Variants in CADM2 observed in about 807,000 individuals in gnomAD.
The protein encoded by CADM2 is cell adhesion molecule 2.
A neutral mutation model predicts 49.8 loss-of-function variants in CADM2; 12 were observed. The ratio of observed to expected loss-of-function variants is 0.24; its 90% confidence interval spans 0.15 to 0.39. CADM2 has a LOEUF of 0.39. Among genes scored for constraint, CADM2 ranks in the 10% least tolerant of loss-of-function variants. CADM2 has a pLI of 1.00. For missense variants in CADM2, 378 were observed against 492.3 expected (o/e 0.77, Z 2.20); for synonymous variants, 214 against 175.4 (o/e 1.22, Z -1.74).
At chr3:85,847,881 T>C (rs2074945965) in intron 3 of CADM2, among the ~76,000 whole-genome samples, 2 of 152,304 alleles carry the variant, frequency 1.3e-5, no homozygotes, top group Non-Finnish European at 2.9e-5. Context: ...CTGCCGTCCT[T>C]GGCTGAACCA....
chr3:85,118,580 C>T (rs544838317), intron 1 of CADM2, among the ~76,000 whole-genome samples: 57 of 152,232 alleles, frequency 3.7e-4, no homozygotes, highest in African/African-American at 1.3e-3. Context: ...ATGGGAAAGA[C>T]CCATCCTCAT....
At chr3:85,539,836 C>T (rs973461328) in intron 1 of CADM2, among the ~76,000 whole-genome samples, 12 of 151,972 alleles carry the variant, frequency 7.9e-5, no homozygotes, top group South Asian at 2.1e-4. Flanking sequence ...ACAGTGGTGT[C>T]GTTGGATAAA....
intron 3 of CADM2, among the ~76,000 whole-genome samples, chr3:85,881,546 T>C (rs552723942): frequency 9.8e-5 from 15 of 152,316 alleles, no homozygotes; most frequent in South Asian, 2.1e-4. Context: ...AGGTATAACA[T>C]GCTAGTCCTA....
Position 85,081,647 on chromosome 3 carries a change from G to A in CADM2, c.61+121979G>A, listed in dbSNP as rs114151138. Among the ~76,000 whole-genome samples the A allele has an allele frequency of 3.6e-3, 547 of 152,192 alleles. 3 individuals are homozygous for A. The highest frequency in any genetic ancestry group is 7.0e-3 in the African/African-American group (290 of 41,532). ...TTTTGAGTTTGGAAAGATAGGTTACGTCCCACAGGGTGAAGGACAGCCTGC... is the reference window on the plus strand; with the variant it reads ...TTTTGAGTTTGGAAAGATAGGTTACATCCCACAGGGTGAAGGACAGCCTGC... On this transcript the variant is annotated intron_variant, in intron 1 of 9. Transcript: ENST00000383699.
rs553724329 is a variant in CADM2, at chr3:85,734,145, G to T, written c.88+7597G>T. ...TTAATGAAAAAAATTAATTTATCCT[G>T]ATATATAATGGTTATCACTGGCAAA... On this transcript the variant is annotated intron_variant, in intron 2 of 9. Coordinates refer to ENST00000383699, the MANE Select transcript of CADM2 (RefSeq NM_001167675.2). Among the ~76,000 whole-genome samples the T allele has an allele frequency of 2.6e-5, 4 of 152,152 alleles. No homozygotes were observed. The South Asian group carries it at 6.2e-4, about 24-fold the overall frequency.
intron 3 of CADM2, among the ~76,000 whole-genome samples, chr3:85,804,595 C>A (rs1294879056): frequency 6.6e-6 from 1 of 152,142 alleles, no homozygotes; most frequent in Non-Finnish European, 1.5e-5. Context: ...CATCTCCAAT[C>A]GTGAGGTCAA....
chr3:85,082,304 T>C (rs977940001), intron 1 of CADM2, among the ~76,000 whole-genome samples: 2 of 152,172 alleles, frequency 1.3e-5, no homozygotes, highest in Non-Finnish European at 2.9e-5. Flanking sequence ...TATTACATAT[T>C]ATGTCTTACA....
At chr3:85,893,505 T>G (rs528071390) in intron 5 of CADM2, among the ~76,000 whole-genome samples, 3 of 152,116 alleles carry the variant, frequency 2.0e-5, no homozygotes, top group African/African-American at 7.2e-5. Context: ...TGGGATCTAA[T>G]TAAACTAAAG....
intron 1 of CADM2, among the ~76,000 whole-genome samples, chr3:85,652,780 T>TTTTTTTTTTTTTG: frequency 8.2e-6 from 1 of 122,626 alleles, no homozygotes; most frequent in Non-Finnish European, 1.7e-5. Flanking sequence ...TTCTTTTTTT[T>TTTTTTTTTTTTTG]TTTTTTTTTT....
chr3:85,114,615 CTTG>C (rs1277033944), intron 1 of CADM2, among the ~76,000 whole-genome samples: 3 of 152,042 alleles, frequency 2.0e-5, no homozygotes, highest in African/African-American at 7.2e-5. Context: ...CTCTATAGTG[CTTG>C]TTGTCATTAA....
chr3:85,277,842 G>C (rs1035672341), intron 1 of CADM2, among the ~76,000 whole-genome samples: 1 of 151,180 alleles, frequency 6.6e-6, no homozygotes, highest in African/African-American at 2.4e-5. Flanking sequence ...ATGCCTCCCA[G>C]AACCATTTCC....
chr3:86,013,648 T>G, intron 8 of CADM2: 1 of 1,603,208 alleles, frequency 6.2e-7, no homozygotes, highest in Non-Finnish European at 8.5e-7. Flanking sequence ...GTAGTGGACA[T>G]AGCAGGGGAA....
At chr3:85,725,142 GT>G (rs1447221328) in intron 1 of CADM2, among the ~76,000 whole-genome samples, 1 of 151,726 alleles carries the variant, frequency 6.6e-6, no homozygotes, top group Non-Finnish European at 1.5e-5. Flanking sequence ...AAATAACTTT[GT>G]TTTTAGTTAA....
In CADM2 at chr3:85,188,156, C is replaced by T. The variant is rs147461285; in HGVS notation, c.61+228488C>T. On this transcript the variant is annotated intron_variant, in intron 1 of 9. Transcript: ENST00000383699. Reference sequence around the variant, plus strand: ...ATTTTCATTGGATATGATTTAATTTCGGTGATAGAAGCCTATGGAATACAT... The same window carrying T: ...ATTTTCATTGGATATGATTTAATTTTGGTGATAGAAGCCTATGGAATACAT... 5.5e-3 allele frequency among the ~76,000 whole-genome samples: 835 copies of T among 151,976 alleles called. 6 individuals carry two copies. The highest frequency in any genetic ancestry group is 0.018 in the African/African-American group (759 of 41,480).
intron 1 of CADM2, among the ~76,000 whole-genome samples, chr3:85,122,847 AT>A (rs2038912716): frequency 6.6e-6 from 1 of 152,002 alleles, no homozygotes; most frequent in Non-Finnish European, 1.5e-5. Flanking sequence ...CTTCCATTGT[AT>A]GGCTCTTATT....
intron 1 of CADM2, among the ~76,000 whole-genome samples, chr3:85,681,549 A>C (rs1254831307): frequency 6.6e-6 from 1 of 152,034 alleles, no homozygotes; most frequent in Non-Finnish European, 1.5e-5. Flanking sequence ...AATGAGAGGC[A>C]CTGTATGATT....
intron 1 of CADM2, among the ~76,000 whole-genome samples, chr3:85,708,630 T>G (rs1302642693): frequency 6.6e-6 from 1 of 152,180 alleles, no homozygotes; most frequent in South Asian, 2.1e-4. Context: ...AGAAATCTTA[T>G]TTTTTAAAAA....
intron 1 of CADM2, among the ~76,000 whole-genome samples, chr3:85,260,131 TGTA>T (rs1370699330): frequency 6.6e-6 from 1 of 152,114 alleles, no homozygotes; most frequent in Non-Finnish European, 1.5e-5. Context: ...ATCAAAACAA[TGTA>T]GTTTCCACAA....
At chr3:86,012,657 A>G in intron 8 of CADM2, 4 of 1,450,394 alleles carry the variant, frequency 2.8e-6, no homozygotes, top group Non-Finnish European at 3.8e-6. Context: ...AGATGCCAGG[A>G]GTGGGTGGAG....
Sources: allele counts gnomAD v4.1 joint callset (sites outside exome capture counted in the v4.1 genomes callset), GRCh38; gene constraint gnomAD v4.1.1; transcripts MANE v1.5; gene names NCBI Gene and HGNC (gene_info 2026-07-23, HGNC 2026-07-21).